The following DIP2B variants were observed in gnomAD, a reference collection of about 807,000 sequenced individuals.
DIP2B encodes the protein disco-interacting protein 2 homolog B.
DIP2B carries 76 observed loss-of-function variants against 198.0 expected under a neutral mutation model. The ratio of observed to expected loss-of-function variants is 0.38; its 90% CI spans 0.32 to 0.46. DIP2B has a LOEUF of 0.46. DIP2B is among the 20% of genes least tolerant of loss of function. The probability of loss-of-function intolerance (pLI) is 0.99; values close to 1 mark genes in which losing one functional copy is unlikely to be tolerated. For synonymous variants in DIP2B, 701 were observed against 739.1 expected (o/e 0.95, Z 0.84); for missense variants, 1,559 against 1,978.4 (o/e 0.79, Z 4.02).
chr12:50,592,424 T>A (rs1469766043), intron 1 of DIP2B, among the ~76,000 whole-genome samples: 4 of 152,218 alleles, frequency 2.6e-5, no homozygotes, highest in Non-Finnish European at 5.9e-5. Flanking sequence ...CCTAAAGTGC[T>A]GGCATTATAG....
intron 1 of DIP2B, among the ~76,000 whole-genome samples, chr12:50,608,927 A>C (rs952979355): frequency 6.6e-6 from 1 of 152,152 alleles, no homozygotes; most frequent in Non-Finnish European, 1.5e-5. Context: ...GGATCACCTG[A>C]GGTCAGGAGT....
intron 1 of DIP2B, among the ~76,000 whole-genome samples, chr12:50,568,780 A>G (rs566292852): frequency 6.6e-6 from 1 of 152,346 alleles, no homozygotes; most frequent in African/African-American, 2.4e-5. Context: ...GGCTGACACC[A>G]GAAGTCTTTG....
intron 1 of DIP2B, among the ~76,000 whole-genome samples, chr12:50,524,511 C>T (rs941707634): frequency 2.0e-5 from 3 of 152,098 alleles, no homozygotes; most frequent in Non-Finnish European, 4.4e-5. Flanking sequence ...TCCCTTCTCT[C>T]CTTCCCTATT....
At chr12:50,510,255 A>C (rs1033432260) in intron 1 of DIP2B, among the ~76,000 whole-genome samples, 1 of 152,266 alleles carries the variant, frequency 6.6e-6, no homozygotes, top group African/African-American at 2.4e-5. Context: ...GAGAATTTAC[A>C]GACAAATTCA....
At chr12:50,629,989 C>T (rs1283605551) in intron 2 of DIP2B, among the ~76,000 whole-genome samples, 6 of 146,656 alleles carry the variant, frequency 4.1e-5, no homozygotes, top group African/African-American at 1.5e-4. Flanking sequence ...CTTGCTCTGT[C>T]GCCAGGCTGG....
At chr12:50,689,368 G>A (rs1939184164) in intron 12 of DIP2B, among the ~76,000 whole-genome samples, 1 of 151,950 alleles carries the variant, frequency 6.6e-6, no homozygotes, top group African/African-American at 2.4e-5. Context: ...GCGAGACTCT[G>A]TCTCAAAAAG....
At chr12:50,543,508 C>T (rs60239257) in intron 1 of DIP2B, among the ~76,000 whole-genome samples, 9,572 of 151,634 alleles carry the variant, frequency 0.063, 713 homozygotes, top group East Asian at 0.36. Flanking sequence ...AGGCTGTTCT[C>T]GAACTCCTGA....
intron 1 of DIP2B, among the ~76,000 whole-genome samples, chr12:50,538,471 T>TC (rs148518730): frequency 0.013 from 2,026 of 152,228 alleles, 49 homozygotes; most frequent in African/African-American, 0.046. Context: ...CAGTCCCACT[T>TC]CCCAAAATGT....
At chr12:50,521,943 C>G (rs1349182014) in intron 1 of DIP2B, among the ~76,000 whole-genome samples, 1 of 151,036 alleles carries the variant, frequency 6.6e-6, no homozygotes, top group East Asian at 1.9e-4. Flanking sequence ...ACGCCCAGCC[C>G]CCAAACATTT....
At chr12:50,561,906 A>G (rs952861059) in intron 1 of DIP2B, among the ~76,000 whole-genome samples, 2 of 152,146 alleles carry the variant, frequency 1.3e-5, no homozygotes, top group African/African-American at 4.8e-5. Context: ...ACCATGCCTG[A>G]CCTGTTCTAC....
intron 1 of DIP2B, among the ~76,000 whole-genome samples, chr12:50,588,376 C>G (rs1365413823): frequency 2.0e-5 from 3 of 152,020 alleles, no homozygotes; most frequent in Admixed American, 1.3e-4. Context: ...TCTTGAACTC[C>G]TCATCTCAGG....
chr12:50,697,347 A>G (rs1012336366), intron 17 of DIP2B, among the ~76,000 whole-genome samples, 172 bp downstream of exon 17: 3 of 152,012 alleles, frequency 2.0e-5, no homozygotes, highest in Non-Finnish European at 4.4e-5. Context: ...AATTTAATTG[A>G]TATCATTTCG....
At chr12:50,670,444 C>G (rs1413991856) in intron 4 of DIP2B, among the ~76,000 whole-genome samples, 2 of 152,080 alleles carry the variant, frequency 1.3e-5, no homozygotes. Context: ...GAGTTGGAGT[C>G]TCGCTCTGTT....
intron 3 of DIP2B, among the ~76,000 whole-genome samples, chr12:50,642,438 G>C (rs1938272701): frequency 6.6e-6 from 1 of 152,050 alleles, no homozygotes. Flanking sequence ...CCTGGCACAG[G>C]GCCTTCCATA....
At chr12:50,664,856 T>G (rs1938722726) in intron 4 of DIP2B, among the ~76,000 whole-genome samples, 2 of 32,002 alleles carry the variant, frequency 6.2e-5, no homozygotes, top group African/African-American at 1.7e-4. Flanking sequence ...TTTTTTTTTT[T>G]TTTTTTTTTT....
At chr12:50,545,174 C>T (rs1378317222) in intron 1 of DIP2B, among the ~76,000 whole-genome samples, 1 of 152,136 alleles carries the variant, frequency 6.6e-6, no homozygotes, top group Non-Finnish European at 1.5e-5. Context: ...ATTGCTTGGT[C>T]TTAGGGTATG....
intron 1 of DIP2B, among the ~76,000 whole-genome samples, chr12:50,570,383 G>A (rs1958602227): frequency 6.6e-6 from 1 of 152,190 alleles, no homozygotes; most frequent in South Asian, 2.1e-4. Context: ...TGTTCTACAT[G>A]AGCCAGTTGC....
intron 36 of DIP2B, among the ~76,000 whole-genome samples, chr12:50,740,100 T>C (rs1940214880): frequency 6.6e-6 from 1 of 152,204 alleles, no homozygotes; most frequent in Non-Finnish European, 1.5e-5. Flanking sequence ...GCCCAGTTGA[T>C]TGTCACAGCT....
chr12:50,719,896 C>T (rs1220555913), intron 25 of DIP2B, among the ~76,000 whole-genome samples: 1 of 146,880 alleles, frequency 6.8e-6, no homozygotes, highest in Non-Finnish European at 1.5e-5. Flanking sequence ...ATATATATTA[C>T]ATTATAATAT....
Sources: allele counts gnomAD v4.1 joint callset (sites outside exome capture counted in the v4.1 genomes callset), GRCh38; gene constraint gnomAD v4.1.1; transcripts MANE v1.5; gene names NCBI Gene and HGNC (gene_info 2026-07-23, HGNC 2026-07-21).